The following CDH18 variants were observed in gnomAD, a reference collection of about 807,000 sequenced individuals.
The protein encoded by CDH18 is cadherin-18.
Under a neutral mutation model 67.9 loss-of-function variants are expected in CDH18, and 31 were observed. The ratio of observed to expected loss-of-function variants is 0.46; its 90% CI spans 0.34 to 0.62. The LOEUF (loss-of-function observed/expected upper bound fraction) is 0.62. Among genes scored for constraint, CDH18 ranks in the 20% least tolerant of loss-of-function variants. The probability of loss-of-function intolerance (pLI) is 0.01; values close to 1 mark genes in which losing one functional copy is unlikely to be tolerated. For synonymous variants in CDH18, 362 were observed against 347.2 expected (o/e 1.04, Z -0.48); for missense variants, 890 against 975.5 (o/e 0.91, Z 1.17).
chr5:19,911,853 T>C (rs1579555117), intron 2 of CDH18, among the ~76,000 whole-genome samples: 2 of 152,220 alleles, frequency 1.3e-5, no homozygotes. Flanking sequence ...TTTCAAAGTG[T>C]TATTTTTAGA....
chr5:19,637,132 CTCTT>C (rs533808639), intron 5 of CDH18, among the ~76,000 whole-genome samples: 509 of 151,254 alleles, frequency 3.4e-3, no homozygotes, highest in East Asian at 0.01. Context: ...CTTTTTCTTT[CTCTT>C]TCTTTCTTTC....
chr5:19,928,997 G>A (rs1164205944), intron 2 of CDH18, among the ~76,000 whole-genome samples: 3 of 151,882 alleles, frequency 2.0e-5, no homozygotes, highest in Admixed American at 6.6e-5. Context: ...CATACACATC[G>A]TTTTCATCCT....
At chr5:19,956,788 TTTCTCC>T (rs1244703742) in intron 2 of CDH18, among the ~76,000 whole-genome samples, 1 of 152,014 alleles carries the variant, frequency 6.6e-6, no homozygotes, top group East Asian at 1.9e-4. Context: ...AATTTATCTT[TTTCTCC>T]TGCACGATCA....
At chr5:20,449,859 T>C (rs1384648533) in intron 1 of CDH18, among the ~76,000 whole-genome samples, 1 of 152,044 alleles carries the variant, frequency 6.6e-6, no homozygotes, top group East Asian at 1.9e-4. Context: ...GAATTGCTAA[T>C]GAGTAAACGT....
At chr5:20,118,411 C>T (rs1261454112) in intron 2 of CDH18, among the ~76,000 whole-genome samples, 5 of 152,060 alleles carry the variant, frequency 3.3e-5, no homozygotes, top group Admixed American at 6.6e-5. Flanking sequence ...TTTTTAAGCA[C>T]TCCAATCTCA....
chr5:20,506,723 A>G (rs1754684093), intron 1 of CDH18, among the ~76,000 whole-genome samples: 1 of 152,246 alleles, frequency 6.6e-6, no homozygotes, highest in East Asian at 1.9e-4. Flanking sequence ...GTGTGTGGTA[A>G]TATTGTTACA....
chr5:20,484,214 A>G (rs1753013610), intron 1 of CDH18, among the ~76,000 whole-genome samples: 1 of 152,050 alleles, frequency 6.6e-6, no homozygotes, highest in Non-Finnish European at 1.5e-5. Context: ...ATGCAAATTA[A>G]AACTGCAATG....
chr5:19,994,855 T>TATAGAGAGAGAGAG lies in CDH18; in HGVS notation c.-517-2842_-517-2841insCTCTCTCTCTCTAT, dbSNP rs760777430. ...ATATATATATATATATATATATATA[T>TATAGAGAGAGAGAG]AGAGAGAGAGAGAGAGAGAGAGATG... On this transcript the variant is annotated intron_variant, in intron 2 of 14. Transcript: ENST00000507958. 1.0e-3 allele frequency among the ~76,000 whole-genome samples: 69 copies of TATAGAGAGAGAGAG among 67,584 alleles called. 7 individuals are homozygous for TATAGAGAGAGAGAG. The highest frequency in any genetic ancestry group is 3.4e-3 in the African/African-American group (46 of 13,598). The allele number at this position is 67,584 out of a possible 152,430, so 44.3% of individuals were successfully genotyped here. A position where few individuals can be genotyped will look rare whatever the true frequency, so the allele number is the denominator to read the frequency against.
In CDH18 at chr5:20,252,845, G is replaced by A. The variant is rs748557310; in HGVS notation, c.-518+2599C>T. 2.2e-3 allele frequency among the ~76,000 whole-genome samples: 329 copies of A among 151,644 alleles called. 2 individuals carry two copies. Among genetic ancestry groups the A allele is most frequent in the Non-Finnish European group, 2.3e-3 (156 of 67,950 alleles). On this transcript the variant is annotated intron_variant, in intron 2 of 14. Transcript: ENST00000507958. Reference sequence around the variant, plus strand: ...CCAACTACTTGGGAGACTGAGGCAGGAGAACTGCCTGAACCGGGAGGCGGA... The same window carrying A: ...CCAACTACTTGGGAGACTGAGGCAGAAGAACTGCCTGAACCGGGAGGCGGA...
chr5:19,839,281 G>T (rs1782010184), intron 2 of CDH18, 39 bp from the exon 3 acceptor site: 2 of 339,290 alleles, frequency 5.9e-6, no homozygotes, highest in South Asian at 3.8e-5. Flanking sequence ...ACAAAACACG[G>T]TTTTTTTAAC....
In CDH18 at chr5:20,097,448, T is replaced by C. The variant is rs181598959; in HGVS notation, c.-517-105434A>G. On this transcript the variant is annotated intron_variant, in intron 2 of 14. Coordinates refer to the CDH18 transcript ENST00000507958. ...AAACCGTCAGATCTCATGAGACTTGTTGACTGTCATGGGAATAGCACAGGA... is the reference window on the plus strand; with the variant it reads ...AAACCGTCAGATCTCATGAGACTTGCTGACTGTCATGGGAATAGCACAGGA... Among the ~76,000 whole-genome samples the C allele has an allele frequency of 1.4e-4, 21 of 152,190 alleles. No homozygotes were observed. The East Asian group carries it at 4.1e-3, about 30-fold the overall frequency.
chr5:19,631,777 C>G (rs1247557470), intron 5 of CDH18, among the ~76,000 whole-genome samples: 1 of 152,108 alleles, frequency 6.6e-6, no homozygotes, highest in South Asian at 2.1e-4. Context: ...GTGTAATGAA[C>G]TATTTAAAAA....
intron 1 of CDH18, among the ~76,000 whole-genome samples, chr5:20,296,475 G>T (rs531786988): frequency 6.8e-6 from 1 of 148,056 alleles, no homozygotes; most frequent in East Asian, 2.1e-4. Context: ...GTTAGCCAGG[G>T]TGGTCTCGAT....
At chr5:19,969,012 C>T (rs1404864425) in intron 2 of CDH18, among the ~76,000 whole-genome samples, 1 of 135,176 alleles carries the variant, frequency 7.4e-6, no homozygotes, top group Non-Finnish European at 1.5e-5. Context: ...AAACAAACAA[C>T]CCCATCAAAA....
intron 1 of CDH18, among the ~76,000 whole-genome samples, chr5:20,322,113 C>T (rs1738088436): frequency 6.6e-6 from 1 of 152,024 alleles, no homozygotes; most frequent in South Asian, 2.1e-4. Flanking sequence ...GAACAGAGTG[C>T]ATGGTTGGAA....
At chr5:20,561,073 T>C (rs978645685) in intron 1 of CDH18, among the ~76,000 whole-genome samples, 2 of 152,102 alleles carry the variant, frequency 1.3e-5, no homozygotes, top group Non-Finnish European at 1.5e-5. Context: ...ATACATGTGC[T>C]AGAATGGCCA....
intron 2 of CDH18, among the ~76,000 whole-genome samples, chr5:20,003,126 A>T (rs1736583377): frequency 6.6e-6 from 1 of 152,228 alleles, no homozygotes; most frequent in South Asian, 2.1e-4. Context: ...TGGAACAAGT[A>T]TACATTAGGA....
intron 11 of CDH18, among the ~76,000 whole-genome samples, chr5:19,486,173 C>G (rs113534453): frequency 0.012 from 1,878 of 151,808 alleles, 38 homozygotes; most frequent in African/African-American, 0.043. Flanking sequence ...CTTGACAAGG[C>G]ATATTCTGTA....
chr5:19,907,520 T>G (rs535020330), intron 2 of CDH18, among the ~76,000 whole-genome samples: 1 of 151,920 alleles, frequency 6.6e-6, no homozygotes, highest in South Asian at 2.1e-4. Context: ...TGAGTCCAGG[T>G]GTGGAATTTT....
Sources: allele counts gnomAD v4.1 joint callset (sites outside exome capture counted in the v4.1 genomes callset), GRCh38; gene constraint gnomAD v4.1.1; transcripts MANE v1.5; gene names NCBI Gene and HGNC (gene_info 2026-07-23, HGNC 2026-07-21).